Variants in TPM4 observed in about 807,000 individuals in gnomAD.
The protein encoded by TPM4 is tropomyosin alpha-4 chain.
Under a neutral mutation model 35.8 loss-of-function variants are expected in TPM4, and 17 were observed. The observed-to-expected ratio is 0.47, with a 90% CI of 0.32 to 0.71. TPM4 has a LOEUF of 0.71. Ranked by LOEUF, TPM4 falls within the 30% of genes least tolerant of loss-of-function variation. The pLI, the probability that TPM4 is intolerant of heterozygous loss-of-function variation, is 0.03. For synonymous variants in TPM4, 120 were observed against 122.9 expected (o/e 0.98, Z 0.15); for missense variants, 240 against 320.9 (o/e 0.75, Z 1.93).
intron 2 of TPM4, among the ~76,000 whole-genome samples, chr19:16,069,486 T>C (rs1345113089): frequency 1.1e-3 from 2 of 1,750 alleles, no homozygotes; most frequent in Non-Finnish European, 2.0e-3. Flanking sequence ...TGAGTGTGTG[T>C]TTCTGATGGG....
At chr19:16,074,671 A>G (rs1355095912), upstream of TPM4, 1 of 152,294 alleles carries the variant, frequency 6.6e-6, no homozygotes, top group East Asian at 1.9e-4. Context: ...TGACCTGGGG[A>G]AAGTCATCCC....
intron 5 of TPM4, among the ~76,000 whole-genome samples, chr19:16,092,588 T>A (rs1215703163): frequency 6.6e-6 from 1 of 150,608 alleles, no homozygotes; most frequent in Non-Finnish European, 1.5e-5. Flanking sequence ...CAGGCTGGAG[T>A]GCGGTGGCGC....
intron 1 of TPM4, chr19:16,079,601 C>T (rs1046451805): frequency 4.4e-6 from 1 of 224,782 alleles, no homozygotes; most frequent in African/African-American, 2.2e-5. Flanking sequence ...GGCTGAGAAA[C>T]CTTCCTGACT....
intron 1 of TPM4, chr19:16,079,640 G>A (rs1057005880): frequency 4.6e-6 from 1 of 217,372 alleles, no homozygotes; most frequent in East Asian, 6.8e-5. Flanking sequence ...GGCCACGTTA[G>A]CCTCATTCTA....
chr19:16,070,672 C>T lies in TPM4; in HGVS notation c.114+2934C>T, dbSNP rs1027480283. Among the ~76,000 whole-genome samples, 10 of 152,182 alleles carry T rather than the reference C, an allele frequency of 6.6e-5. No homozygotes were observed. Among genetic ancestry groups the T allele is most frequent in the Admixed American group, 2.0e-4 (3 of 15,282 alleles). On this transcript the variant is annotated intron_variant, in intron 2 of 2. Transcript: ENST00000589897. The surrounding 1 kb of genome is among the most constrained non-coding windows in gnomAD (Gnocchi z 7.4). ...GACTGTACAGGTGGAACCCTTGGCC[C>T]GGAGCCTAGCTCAGAGTAAGCACTC...
At chr19:16,068,154 G>GT (rs1469935083) in intron 2 of TPM4, among the ~76,000 whole-genome samples, 1 of 136,722 alleles carries the variant, frequency 7.3e-6, no homozygotes, top group Middle Eastern at 3.4e-3. Context: ...CCTCTGGTGT[G>GT]TGTGTGCATG....
intron 5 of TPM4, among the ~76,000 whole-genome samples, chr19:16,091,898 G>A (rs1286047214): frequency 6.6e-6 from 1 of 152,204 alleles, no homozygotes; most frequent in Non-Finnish European, 1.5e-5. Flanking sequence ...CCCATGGTAA[G>A]CAGCTAATAA....
chr19:16,088,219 G>A, intron 4 of TPM4, 122 bp downstream of exon 4: 2 of 1,439,232 alleles, frequency 1.4e-6, no homozygotes, highest in Non-Finnish European at 1.9e-6. Context: ...GGCGTCAGGG[G>A]CTCATGGCTC....
intron 7 of TPM4, among the ~76,000 whole-genome samples, chr19:16,096,936 C>CTTTTTTTCTTTTTTTTTTTTTT (rs2090705707): frequency 1.4e-5 from 1 of 69,050 alleles, no homozygotes; most frequent in African/African-American, 5.6e-5. Context: ...CAAGGTCACT[C>CTTTTTTTCTTTTTTTTTTTTTT]TTTTTTTTTT....
Position 16,082,116 on chromosome 19 carries a change from G to A in TPM4, c.266+70G>A, listed in dbSNP as rs528179437. ...AAATGGGGATCATGCTGCCGACCTC[G>A]CAGAGCTGGTGTGAAAGTAAACAAG... On this transcript the variant is annotated intron_variant, in intron 2 of 7. Transcript: ENST00000643579. The A allele has an allele frequency of 6.3e-4, 966 of 1,530,398 alleles. 2 individuals carry two copies. The highest frequency in any genetic ancestry group is 2.8e-3 in the Middle Eastern group (16 of 5,754). 94.8% of individuals were successfully genotyped at this position (1,530,398 alleles called of 1,614,324 possible).
In TPM4 at chr19:16,101,685, T is replaced by G; in HGVS notation, c.*339T>G. 3.5e-6 allele frequency: 1 copy of G among 289,114 alleles called. No homozygotes were observed. The highest frequency in any genetic ancestry group is 6.6e-6 in the Non-Finnish European group (1 of 151,520). 17.9% of individuals were successfully genotyped at this position (289,114 alleles called of 1,614,324 possible). A position where few individuals can be genotyped will look rare whatever the true frequency, so the allele number is the denominator to read the frequency against. On this transcript the variant is annotated 3_prime_UTR_variant, in exon 8 of 8. Transcript: ENST00000643579. ...TGGGAGAATAGGCAGCCCCACACTT[T>G]GAAGAATACAGACCCCAGTATCTAG... is the stretch of plus-strand genomic sequence containing the variant.
At chr19:16,091,510 C>T (rs1196542773) in intron 5 of TPM4, among the ~76,000 whole-genome samples, 1 of 152,202 alleles carries the variant, frequency 6.6e-6, no homozygotes, top group Non-Finnish European at 1.5e-5. Context: ...CACGGTGGCT[C>T]ATGCCTGTAA....
chr19:16,076,323 A>G, upstream of TPM4: 2 of 1,499,970 alleles, frequency 1.3e-6, no homozygotes, highest in Non-Finnish European at 1.8e-6. Context: ...GAAAAGGGGC[A>G]CTTTCCAGCA....
rs112922449 is a variant in TPM4, at chr19:16,084,140, G to A, written c.266+2094G>A. 5.3e-3 allele frequency among the ~76,000 whole-genome samples: 812 copies of A among 152,276 alleles called. 5 individuals carry two copies. Among genetic ancestry groups the A allele is most frequent in the African/African-American group, 0.018 (731 of 41,562 alleles). On this transcript the variant is annotated intron_variant, in intron 2 of 7. Coordinates refer to ENST00000643579, the MANE Select transcript of TPM4 (RefSeq NM_003290.3). ...GACAGGGTTTCACCGTGTTAGCCAC[G>A]ATGTTCTCAAGCTCCTGACCTTGTA...
At chr19:16,090,246 A>C (rs1182723798) in intron 5 of TPM4, among the ~76,000 whole-genome samples, 1 of 151,054 alleles carries the variant, frequency 6.6e-6, no homozygotes, top group Admixed American at 6.6e-5. Flanking sequence ...CTTCCTGAGT[A>C]GCTAGGACTT....
At chr19:16,081,236 A>G (rs545677740) in intron 1 of TPM4, 2 of 395,398 alleles carry the variant, frequency 5.1e-6, no homozygotes, top group South Asian at 1.4e-4. Context: ...TCTACGTGGT[A>G]ACACTGTGTG....
At chr19:16,081,282 C>G (rs1281829384) in intron 1 of TPM4, 2 of 389,404 alleles carry the variant, frequency 5.1e-6, no homozygotes, top group Admixed American at 8.9e-5. Context: ...AGATCTTAGC[C>G]TAACGTTGGG....
intron 1 of TPM4, chr19:16,081,084 A>G (rs2090476998): frequency 7.5e-6 from 3 of 398,552 alleles, no homozygotes; most frequent in Non-Finnish European, 1.3e-5. Context: ...TGGTAATTGC[A>G]TGGCCAACAT....
At chr19:16,087,846 A>G (rs1484439194) in intron 3 of TPM4, among the ~76,000 whole-genome samples, 181 bp from the exon 4 acceptor site, 1 of 152,102 alleles carries the variant, frequency 6.6e-6, no homozygotes, top group Non-Finnish European at 1.5e-5. Context: ...GTGCCACTGC[A>G]CTCCAGCCTG....
Sources: gnomAD v4.1 joint callset for allele counts (sites outside exome capture counted in the v4.1 genomes callset) on GRCh38, gnomAD v4.1.1 for gene constraint, Gnocchi (gnomAD v3.1) non-coding constraint, MANE v1.5 for transcripts, NCBI Gene and HGNC (gene_info 2026-07-23, HGNC 2026-07-21) for gene names.